CMC4: variants seen among roughly 807,000 people sequenced by gnomAD.
The protein encoded by CMC4 is cx9C motif-containing protein 4.
Under a neutral mutation model 5.1 loss-of-function variants are expected in CMC4, and 4 were observed. The ratio of observed to expected loss-of-function variants is 0.78; its 90% CI spans 0.38 to 1.78. CMC4 has a LOEUF of 1.78. CMC4 is among the 40% of genes most tolerant of loss of function. The pLI, the probability that CMC4 is intolerant of heterozygous loss-of-function variation, is 0.04. For missense variants in CMC4, 52 were observed against 51.3 expected (o/e 1.01, Z -0.04); for synonymous variants, 23 against 18.9 (o/e 1.22, Z -0.57).
chrX:155,069,471 T>C (rs1557292254), intron 1 of CMC4, among the ~76,000 whole-genome samples: 1 of 112,248 alleles, frequency 8.9e-6, no homozygotes, highest in African/African-American at 3.2e-5. Context: ...GCATTTCCTA[T>C]ATGTTTACAT....
intron 2 of CMC4, among the ~76,000 whole-genome samples, chrX:155,063,536 T>C (rs2073936341): frequency 8.9e-6 from 1 of 112,305 alleles, no homozygotes; most frequent in Admixed American, 9.4e-5. Flanking sequence ...TAAGAGTTAG[T>C]TGATGACTTT....
chrX:155,065,222 T>C, intron 1 of CMC4: 1 of 382,399 alleles, frequency 2.6e-6, no homozygotes, highest in Non-Finnish European at 4.5e-6. Flanking sequence ...ACGTAACCTC[T>C]CTCTGCAGTT....
rs2073944277 is a variant in CMC4, at chrX:155,065,385, G to A, written c.-10-1352C>T. The A allele has an allele frequency of 1.5e-5, 12 of 776,102 alleles. 1 individual carries two copies. The highest frequency in any genetic ancestry group is 1.2e-4 in the Admixed American group (5 of 40,245). 64.0% of individuals were successfully genotyped at this position (776,102 alleles called of 1,213,427 possible). ...GAACAGAACAAAGGAGCATATCTTC[G>A]TAGAATCCCAGCACCTGGAAAAAAA... On this transcript the variant is annotated intron_variant, in intron 1 of 2. Transcript: ENST00000369484.
At chrX:155,066,069 G>A (rs2073947159) in intron 1 of CMC4, 2 of 966,724 alleles carry the variant, frequency 2.1e-6, no homozygotes, top group Non-Finnish European at 2.9e-6. Context: ...TGCAGCACCC[G>A]CGCACAGGAC....
intron 1 of CMC4, among the ~76,000 whole-genome samples, chrX:155,067,547 T>C (rs1235922270): frequency 8.9e-6 from 1 of 112,190 alleles, no homozygotes; most frequent in Non-Finnish European, 1.9e-5. Context: ...TCCCTGGGCC[T>C]CTCTGCCTAT....
At chrX:155,066,247 C>A (rs1252060428) in intron 1 of CMC4, among the ~76,000 whole-genome samples, 1 of 112,549 alleles carries the variant, frequency 8.9e-6, no homozygotes, top group Admixed American at 9.4e-5. Flanking sequence ...TCAGGCAGAG[C>A]CTCAGGTAGT....
intron 2 of CMC4, among the ~76,000 whole-genome samples, chrX:155,063,347 A>G (rs2073935536): frequency 1.8e-5 from 2 of 111,968 alleles, no homozygotes; most frequent in African/African-American, 6.5e-5. Flanking sequence ...ACTAGTGAGG[A>G]AAACTTATTA....
intron 1 of CMC4, chrX:155,065,589 C>T: frequency 8.3e-7 from 1 of 1,209,336 alleles, no homozygotes. Context: ...AGTCCCAGTA[C>T]AATGGAAAAT....
In CMC4 at chrX:155,061,915, T is replaced by A; in HGVS notation, c.135A>T (p.Gly45=). ...CAAATCCTGAACAGACGACAGATCT[T>A]CCCTTGGGATACTGAGCACAACACT... The part of the protein sequence containing the change: ...LRKCCAQYPK[G]RSVVCSGFEK... The change falls in exon 3 of 3, where the codon GGA becomes GGT. Residue 45 remains glycine (G), a synonymous_variant. Coordinates refer to ENST00000369484, the MANE Select transcript of CMC4 (RefSeq NM_001018024.3). The A allele has an allele frequency of 8.3e-7, 1 of 1,211,623 alleles. No individual in the cohort carries two copies. Among genetic ancestry groups the A allele is most frequent in the Non-Finnish European group, 1.1e-6 (1 of 895,318 alleles).
rs782185104 is a variant in CMC4 at position 155,062,762 on chromosome X, C to T, written c.59-771G>A. On this transcript the variant is annotated intron_variant, in intron 2 of 2. Coordinates refer to ENST00000369484, the MANE Select transcript of CMC4 (RefSeq NM_001018024.3). ...TCCAGATTTGGAGCTAGACCAAGGG[C>T]GGGGTTGGCGGGGGGTGTTCAAATT... 9.2e-4 allele frequency among the ~76,000 whole-genome samples: 102 copies of T among 111,304 alleles called. 1 individual carries two copies. Among genetic ancestry groups the T allele is most frequent in the Non-Finnish European group, 1.3e-3 (69 of 52,981 alleles).
intron 1 of CMC4, chrX:155,066,033 T>C: frequency 8.6e-7 from 1 of 1,157,679 alleles, no homozygotes; most frequent in Non-Finnish European, 1.2e-6. Context: ...GTTCCAATTC[T>C]AGCCCTGCTT....
chrX:155,070,505 G>A (rs2073968967), intron 1 of CMC4, among the ~76,000 whole-genome samples, 189 bp downstream of exon 1: 1 of 111,540 alleles, frequency 9.0e-6, no homozygotes, highest in Non-Finnish European at 1.9e-5. Context: ...GAGACCCGAG[G>A]AAACTTGCAT....
chrX:155,062,513 CT>C (rs1390198946), intron 2 of CMC4, among the ~76,000 whole-genome samples: 2 of 111,976 alleles, frequency 1.8e-5, no homozygotes, highest in Non-Finnish European at 3.8e-5. Context: ...CAACAAAGGC[CT>C]TTGGCCTCCA....
At chrX:155,062,085 G>A in intron 2 of CMC4, 94 bp from the exon 3 acceptor site, 1 of 868,790 alleles carries the variant, frequency 1.2e-6, no homozygotes, top group Middle Eastern at 3.0e-4. Flanking sequence ...TTCACTTTCA[G>A]TACCTATGGA....
intron 2 of CMC4, among the ~76,000 whole-genome samples, chrX:155,063,593 T>C (rs782290487): frequency 1.1e-4 from 12 of 112,189 alleles, no homozygotes; most frequent in Non-Finnish European, 2.1e-4. Flanking sequence ...TCTTCCAGAT[T>C]GCTTTTAAAA....
chrX:155,070,567 C>T (rs1557292385), intron 1 of CMC4, 127 bp downstream of exon 1: 1 of 112,490 alleles, frequency 8.9e-6, no homozygotes, highest in Non-Finnish European at 1.9e-5. Context: ...TGAAGTTCTC[C>T]ATTTCCCCTT....
At chrX:155,067,310 C>T (rs1365503404) in intron 1 of CMC4, among the ~76,000 whole-genome samples, 1 of 111,911 alleles carries the variant, frequency 8.9e-6, no homozygotes, top group Non-Finnish European at 1.9e-5. Flanking sequence ...TCTCTTTAAC[C>T]AAATCCTGAT....
At chrX:155,066,701 G>T (rs1449779884) in intron 1 of CMC4, among the ~76,000 whole-genome samples, 1 of 112,378 alleles carries the variant, frequency 8.9e-6, no homozygotes, top group East Asian at 2.8e-4. Context: ...AGCTGCAAGA[G>T]ACTTTGGGGA....
chrX:155,063,356 TA>T (rs2073935645), intron 2 of CMC4, among the ~76,000 whole-genome samples: 1 of 112,331 alleles, frequency 8.9e-6, no homozygotes, highest in African/African-American at 3.2e-5. Context: ...GAAAACTTAT[TA>T]AAATTTTTTC....
Sources: gnomAD v4.1 joint callset for allele counts (sites outside exome capture counted in the v4.1 genomes callset) on GRCh38, gnomAD v4.1.1 for gene constraint, MANE v1.5 for transcripts, NCBI Gene and HGNC (gene_info 2026-07-23, HGNC 2026-07-21) for gene names.